The following MARCHF1 variants were observed in gnomAD, a reference collection of about 807,000 sequenced individuals.
MARCHF1 encodes E3 ubiquitin-protein ligase MARCHF1.
MARCHF1 carries 40 observed loss-of-function variants against 54.2 expected under a neutral mutation model. The observed-to-expected ratio is 0.74, with a 90% CI of 0.57 to 0.96. The LOEUF (loss-of-function observed/expected upper bound fraction) is 0.96, where lower values mean the gene tolerates loss of function less well. Ranked by LOEUF, MARCHF1 falls within the 40% of genes least tolerant of loss-of-function variation. The pLI, the probability that MARCHF1 is intolerant of heterozygous loss-of-function variation, is 0.00. For synonymous variants in MARCHF1, 236 were observed against 236.3 expected (o/e 1.00, Z 0.01); for missense variants, 586 against 656.5 (o/e 0.89, Z 1.17).
chr4:164,166,056 G>T (rs1399557405), intron 1 of MARCHF1, among the ~76,000 whole-genome samples: 1 of 151,926 alleles, frequency 6.6e-6, no homozygotes, highest in Non-Finnish European at 1.5e-5. Flanking sequence ...ATTAATTTAT[G>T]CCAGGAAGAG....
At chr4:164,165,201 T>C (rs930905132) in intron 1 of MARCHF1, among the ~76,000 whole-genome samples, 1 of 152,082 alleles carries the variant, frequency 6.6e-6, no homozygotes, top group Non-Finnish European at 1.5e-5. Context: ...GTGGACTGAA[T>C]ATTTGTAACA....
At chr4:163,615,359 T>C (rs1741476902) in intron 5 of MARCHF1, among the ~76,000 whole-genome samples, 2 of 152,146 alleles carry the variant, frequency 1.3e-5, no homozygotes, top group Non-Finnish European at 1.5e-5. Flanking sequence ...CTCCTGGAAC[T>C]GATAAACAGA....
At chr4:164,179,251 C>G (rs1273830153) in intron 1 of MARCHF1, among the ~76,000 whole-genome samples, 1 of 152,006 alleles carries the variant, frequency 6.6e-6, no homozygotes, top group Non-Finnish European at 1.5e-5. Flanking sequence ...CTGTGGTTTC[C>G]TCTCTACACC....
intron 2 of MARCHF1, among the ~76,000 whole-genome samples, chr4:164,058,270 T>C (rs986912281): frequency 3.3e-5 from 5 of 152,120 alleles, no homozygotes; most frequent in African/African-American, 1.2e-4. Flanking sequence ...TAAAGTATAA[T>C]AAAAGAGAAA....
chr4:163,910,490 T>C (rs1268006686), intron 3 of MARCHF1, among the ~76,000 whole-genome samples: 1 of 125,460 alleles, frequency 8.0e-6, no homozygotes, highest in Non-Finnish European at 1.5e-5. Flanking sequence ...TAGCAATCTT[T>C]TGTTGTTGTT....
intron 3 of MARCHF1, among the ~76,000 whole-genome samples, chr4:163,947,160 A>C (rs1485721648): frequency 6.6e-6 from 1 of 152,216 alleles, no homozygotes; most frequent in Non-Finnish European, 1.5e-5. Flanking sequence ...TTTCAATTTG[A>C]ATTCACTTAT....
intron 4 of MARCHF1, among the ~76,000 whole-genome samples, chr4:163,704,196 A>C (rs186288561): frequency 3.7e-4 from 57 of 152,026 alleles, no homozygotes; most frequent in African/African-American, 1.3e-3. Flanking sequence ...ATATTCTGCA[A>C]TTTTATTTCC....
chr4:164,014,033 C>G (rs752619147), intron 2 of MARCHF1, among the ~76,000 whole-genome samples: 4 of 149,708 alleles, frequency 2.7e-5, no homozygotes, highest in Admixed American at 2.7e-4. Context: ...CTAAAAATAC[C>G]AAAAAAAAAT....
At chr4:164,251,924 T>A (rs1733140194) in intron 1 of MARCHF1, among the ~76,000 whole-genome samples, 1 of 152,182 alleles carries the variant, frequency 6.6e-6, no homozygotes, top group African/African-American at 2.4e-5. Flanking sequence ...CAATAGATTT[T>A]AAAAATTATT....
intron 4 of MARCHF1, among the ~76,000 whole-genome samples, chr4:163,746,866 G>A (rs892356118): frequency 1.6e-4 from 24 of 152,176 alleles, no homozygotes; most frequent in Non-Finnish European, 7.3e-5. Context: ...TCAGCAGTGA[G>A]GGAATTTTGG....
At chr4:164,333,750 G>A (rs1280485724) in intron 1 of MARCHF1, among the ~76,000 whole-genome samples, 1 of 152,194 alleles carries the variant, frequency 6.6e-6, no homozygotes, top group Non-Finnish European at 1.5e-5. Context: ...AGCTACAAAT[G>A]ATTAAACTTA....
chr4:163,923,886 T>A (rs1751483265), intron 3 of MARCHF1, among the ~76,000 whole-genome samples: 1 of 150,332 alleles, frequency 6.7e-6, no homozygotes, highest in Non-Finnish European at 1.5e-5. Flanking sequence ...TGATAGGTGA[T>A]GATAGATAGA....
chr4:164,025,660 A>G lies in MARCHF1; in HGVS notation c.-247-36951T>C, dbSNP rs1182044959. Reference sequence around the variant, plus strand: ...TAACAATCTAACTTTGCATGTCGAGAAACTAGAAAAAAAACAACAAACCAG... The same window carrying G: ...TAACAATCTAACTTTGCATGTCGAGGAACTAGAAAAAAAACAACAAACCAG... On this transcript the variant is annotated intron_variant, in intron 2 of 9. Coordinates refer to ENST00000514618, the MANE Select transcript of MARCHF1 (RefSeq NM_001394959.1). 3.3e-5 allele frequency among the ~76,000 whole-genome samples: 5 copies of G among 151,840 alleles called. No homozygotes were observed. The East Asian group carries it at 9.6e-4, about 29-fold the overall frequency.
In MARCHF1 at chr4:163,528,596, C is replaced by CTCCTT. The variant is rs1325734946; in HGVS notation, c.*147_*151dup. On this transcript the variant is annotated 3_prime_UTR_variant, in exon 10 of 10. Transcript: ENST00000514618. Reference sequence around the variant, plus strand: ...CTGGGCATTTGGTCTGTTTGTTTTTCTCCTTTCCTCTTTGAACAAAGTCAG... The same window carrying CTCCTT: ...CTGGGCATTTGGTCTGTTTGTTTTTCTCCTTTCCTTTCCTCTTTGAACAAAGTCAG... 4.1e-6 allele frequency: 3 copies of CTCCTT among 730,614 alleles called. No individual in the cohort carries two copies. Among genetic ancestry groups the CTCCTT allele is most frequent in the East Asian group, 2.8e-5 (1 of 36,304 alleles). The allele number at this position is 730,614 out of a possible 1,614,324, so 45.3% of individuals were successfully genotyped here.
intron 1 of MARCHF1, among the ~76,000 whole-genome samples, chr4:164,281,495 T>C (rs887147662): frequency 3.9e-5 from 6 of 152,102 alleles, no homozygotes; most frequent in African/African-American, 9.7e-5. Flanking sequence ...TCATGAGAGA[T>C]AAGTCTAAGT....
At chr4:164,146,660 A>G (rs201612895) in intron 1 of MARCHF1, among the ~76,000 whole-genome samples, 1 of 152,068 alleles carries the variant, frequency 6.6e-6, no homozygotes, top group African/African-American at 2.4e-5. Flanking sequence ...TACACCTTAT[A>G]CAAAAATCAA....
Position 164,328,232 on chromosome 4 carries a change from G to A in MARCHF1, c.-323+55638C>T, listed in dbSNP as rs141291406. ...AGCATTAGTGCATCAAATTAGGTGC[G>A]TTCTGAAAGATGCTAAAACATTAAC... On this transcript the variant is annotated intron_variant, in intron 1 of 9. Transcript: ENST00000514618. Among the ~76,000 whole-genome samples, 402 of 152,126 alleles carry A rather than the reference G, an allele frequency of 2.6e-3. 3 individuals carry two copies. Among genetic ancestry groups the A allele is most frequent in the African/African-American group, 9.0e-3 (373 of 41,504 alleles).
At chr4:163,619,095 T>C (rs1232279890) in intron 5 of MARCHF1, among the ~76,000 whole-genome samples, 1 of 151,970 alleles carries the variant, frequency 6.6e-6, no homozygotes. Context: ...AGATGTTGAG[T>C]GAGGTGAGAA....
chr4:163,904,865 T>C (rs1377294447), intron 3 of MARCHF1, among the ~76,000 whole-genome samples: 2 of 152,114 alleles, frequency 1.3e-5, no homozygotes, highest in African/African-American at 4.8e-5. Context: ...AATCTCCTAA[T>C]TCTGGAATTA....
Sources: gnomAD v4.1 joint callset for allele counts (sites outside exome capture counted in the v4.1 genomes callset) on GRCh38, gnomAD v4.1.1 for gene constraint, MANE v1.5 for transcripts, NCBI Gene and HGNC (gene_info 2026-07-23, HGNC 2026-07-21) for gene names.